The following FARS2 variants were observed in gnomAD, a reference collection of about 807,000 sequenced individuals.
The protein encoded by FARS2 is phenylalanine--tRNA ligase, mitochondrial.
Under a neutral mutation model 46.4 loss-of-function variants are expected in FARS2, and 40 were observed. The observed-to-expected ratio is 0.86, with a 90% confidence interval of 0.67 to 1.12. FARS2 has a LOEUF of 1.12. Among genes scored for constraint, FARS2 ranks in the 50% most tolerant of loss-of-function variants. The pLI is 0.00. For synonymous variants in FARS2, 234 were observed against 214.9 expected, an observed-to-expected ratio of 1.09 and a Z score of -0.78; for missense variants, 513 against 567.9, an observed-to-expected ratio of 0.90 and a Z score of 0.98.
In FARS2 at chr6:5,712,555, G is replaced by C. The variant is rs550427061; in HGVS notation, c.1218-58736G>C. 6.6e-5 allele frequency among the ~76,000 whole-genome samples: 10 copies of C among 152,366 alleles called. 1 individual carries two copies. In the South Asian group the frequency reaches 1.9e-3, roughly 28 times the overall value. ...ATCTCCTCAGCAACTCGGAAATGTA[G>C]ACAGTTCCTGTTTCTCATGTGAGAC... On this transcript the variant is annotated intron_variant, in intron 6 of 6. Transcript: ENST00000274680.
At chr6:5,518,002 G>T (rs1768914551) in intron 4 of FARS2, among the ~76,000 whole-genome samples, 1 of 152,196 alleles carries the variant, frequency 6.6e-6, no homozygotes, top group Non-Finnish European at 1.5e-5. Context: ...AAAGTCTTGG[G>T]TGCTGTTCTC....
At chr6:5,415,112 C>T (rs533283473) in intron 3 of FARS2, among the ~76,000 whole-genome samples, 47 of 151,762 alleles carry the variant, frequency 3.1e-4, no homozygotes, top group South Asian at 2.1e-4. Flanking sequence ...CCACCGCACC[C>T]GGCCATGACT....
chr6:5,585,863 A>G (rs1190134630), intron 5 of FARS2, among the ~76,000 whole-genome samples: 1 of 152,158 alleles, frequency 6.6e-6, no homozygotes, highest in African/African-American at 2.4e-5. Context: ...TAATGCTGCA[A>G]TGAACATGGG....
At chr6:5,754,226 A>G (rs1288439039) in intron 6 of FARS2, among the ~76,000 whole-genome samples, 2 of 152,240 alleles carry the variant, frequency 1.3e-5, no homozygotes, top group Non-Finnish European at 2.9e-5. Flanking sequence ...ATCACCTAGT[A>G]TGCACTGAGA....
chr6:5,470,178 G>A (rs571864367), intron 4 of FARS2, among the ~76,000 whole-genome samples: 2 of 152,190 alleles, frequency 1.3e-5, no homozygotes, highest in East Asian at 3.9e-4. Context: ...ATACCTGCAG[G>A]TTCTGCATCC....
At chr6:5,463,614 A>G (rs890920247) in intron 4 of FARS2, among the ~76,000 whole-genome samples, 2 of 152,202 alleles carry the variant, frequency 1.3e-5, no homozygotes, top group Admixed American at 1.3e-4. Context: ...GTGTGTTAAA[A>G]CTTTAATAAT....
At chr6:5,517,098 C>T (rs948793699) in intron 4 of FARS2, among the ~76,000 whole-genome samples, 4 of 151,890 alleles carry the variant, frequency 2.6e-5, no homozygotes, top group African/African-American at 9.7e-5. Context: ...GCGTTTCGCA[C>T]AGTTTGGGAG....
chr6:5,523,335 A>G (rs1769258732), intron 4 of FARS2, among the ~76,000 whole-genome samples: 1 of 151,882 alleles, frequency 6.6e-6, no homozygotes, highest in Admixed American at 6.6e-5. Context: ...GAAGAGAAGT[A>G]GGGCAAGGAC....
chr6:5,635,569 T>A (rs1228386433), intron 6 of FARS2, among the ~76,000 whole-genome samples: 2 of 152,120 alleles, frequency 1.3e-5, no homozygotes, highest in African/African-American at 4.8e-5. Context: ...CAGTAAGTGT[T>A]ATAGGATGCA....
intron 6 of FARS2, among the ~76,000 whole-genome samples, chr6:5,724,842 C>A (rs1760145835): frequency 6.6e-6 from 1 of 152,252 alleles, no homozygotes; most frequent in African/African-American, 2.4e-5. Context: ...TCCACAGTAA[C>A]ATGAAATACA....
chr6:5,656,970 G>GTATCACT (rs1272890038), intron 6 of FARS2, among the ~76,000 whole-genome samples: 1 of 152,148 alleles, frequency 6.6e-6, no homozygotes, highest in Admixed American at 6.5e-5. Flanking sequence ...TATCACTTGA[G>GTATCACT]TGGCTTTTGA....
chr6:5,684,915 A>T (rs1309203401), intron 6 of FARS2, among the ~76,000 whole-genome samples: 2 of 152,200 alleles, frequency 1.3e-5, no homozygotes, highest in Non-Finnish European at 2.9e-5. Flanking sequence ...GCCAGGGAAG[A>T]ATTTGTGTGC....
intron 3 of FARS2, among the ~76,000 whole-genome samples, chr6:5,413,549 A>G (rs1762057665): frequency 6.6e-6 from 1 of 152,182 alleles, no homozygotes; most frequent in Non-Finnish European, 1.5e-5. Flanking sequence ...CAATTTCCTG[A>G]TTGATTTCAG....
chr6:5,650,284 C>T (rs1334380347), intron 6 of FARS2, among the ~76,000 whole-genome samples: 1 of 128,970 alleles, frequency 7.8e-6, no homozygotes, highest in Non-Finnish European at 1.6e-5. Flanking sequence ...TTTTTTGAGA[C>T]AGAGTCTCAA....
At chr6:5,464,115 A>G (rs1765388084) in intron 4 of FARS2, among the ~76,000 whole-genome samples, 1 of 152,232 alleles carries the variant, frequency 6.6e-6, no homozygotes, top group African/African-American at 2.4e-5. Context: ...TTCATTTCTA[A>G]GCAGCATTTA....
At chr6:5,649,791 C>T (rs1777255171) in intron 6 of FARS2, among the ~76,000 whole-genome samples, 1 of 152,200 alleles carries the variant, frequency 6.6e-6, no homozygotes, top group Non-Finnish European at 1.5e-5. Context: ...ATCCGCTAGG[C>T]TGTGTAGGAT....
At chr6:5,389,302 G>A (rs1562004607) in intron 2 of FARS2, among the ~76,000 whole-genome samples, 1 of 152,084 alleles carries the variant, frequency 6.6e-6, no homozygotes, top group African/African-American at 2.4e-5. Context: ...AGCTGCTACT[G>A]TTCCTCCTCC....
intron 4 of FARS2, among the ~76,000 whole-genome samples, chr6:5,505,675 T>C (rs956391320): frequency 6.6e-6 from 1 of 152,086 alleles, no homozygotes; most frequent in Non-Finnish European, 1.5e-5. Context: ...CCCTCTTCAA[T>C]GGCTGAAGCT....
chr6:5,377,032 C>T (rs1445088667), intron 2 of FARS2, among the ~76,000 whole-genome samples: 1 of 152,204 alleles, frequency 6.6e-6, no homozygotes, highest in Non-Finnish European at 1.5e-5. Flanking sequence ...TTGAGACTTA[C>T]ATGTTTGAGA....
Sources: allele counts gnomAD v4.1 joint callset (sites outside exome capture counted in the v4.1 genomes callset), GRCh38; gene constraint gnomAD v4.1.1; transcripts MANE v1.5; gene names NCBI Gene and HGNC (gene_info 2026-07-23, HGNC 2026-07-21).